The following FOXN4 variants were observed in gnomAD, a reference collection of about 807,000 sequenced individuals.
The protein encoded by FOXN4 is forkhead box N4.
A neutral mutation model predicts 45.0 loss-of-function variants in FOXN4; 12 were observed. The ratio of observed to expected loss-of-function variants is 0.27; its 90% CI spans 0.17 to 0.43. The LOEUF (loss-of-function observed/expected upper bound fraction) is 0.43, where lower values mean the gene tolerates loss of function less well. FOXN4 is among the 20% of genes least tolerant of loss of function. The pLI is 1.00. For missense variants in FOXN4, 560 were observed against 694.9 expected, an observed-to-expected ratio of 0.81 and a Z score of 2.18; for synonymous variants, 297 against 295.0, an observed-to-expected ratio of 1.01 and a Z score of -0.07.
intron 2 of FOXN4, among the ~76,000 whole-genome samples, chr12:109,306,456 T>C (rs1053077909): frequency 4.6e-5 from 7 of 152,214 alleles, no homozygotes; most frequent in African/African-American, 9.6e-5. Context: ...TAAGATTCAA[T>C]GTCTTTGAGC....
At chr12:109,297,201 AAGG>A (rs1296380583) in intron 2 of FOXN4, among the ~76,000 whole-genome samples, 6 of 152,204 alleles carry the variant, frequency 3.9e-5, no homozygotes, top group Non-Finnish European at 8.8e-5. Context: ...GGCTGCACAG[AAGG>A]AGGTGAGTAG....
At chr12:109,285,274 TGC>T (rs1555241968) in intron 8 of FOXN4, 28 bp downstream of exon 8, 68,885 of 1,520,670 alleles carry the variant, frequency 0.045, 742 homozygotes, top group African/African-American at 0.08. Context: ...TGTGTGTGTG[TGC>T]GCGCACTGCG....
At position 109,290,221 on chromosome 12, in the gene FOXN4, G is replaced by A. The variant is rs765806216; in HGVS notation, c.152C>T (p.Ala51Val). 9.7e-5 allele frequency: 151 copies of A among 1,551,322 alleles called. 1 individual carries two copies. In the Middle Eastern group the frequency reaches 2.2e-3, roughly 22 times the overall value. ...GDLQSLSWLT[A>V]VDVPRLQQMA... ...CTGCTGCAGCCGAGGCACATCCACC[G>A]CCGTGAGCCACGACAGCGACTGCAG... The change falls in exon 3 of 10, where the codon GCG becomes GTG. Residue 51 changes from alanine (A) to valine (V), a missense_variant. Coordinates refer to ENST00000299162, the MANE Select transcript of FOXN4 (RefSeq NM_213596.3). The surrounding 1 kb of genome is among the most constrained non-coding windows in gnomAD (Gnocchi z 5.1).
At chr12:109,297,803 G>A (rs1294533928) in intron 2 of FOXN4, among the ~76,000 whole-genome samples, 1 of 152,168 alleles carries the variant, frequency 6.6e-6, no homozygotes, top group Non-Finnish European at 1.5e-5. Context: ...AATCCTCGCA[G>A]TGTCTCCCCA....
In FOXN4 at chr12:109,304,271, GAA is replaced by G. The variant is rs1257147262; in HGVS notation, c.86+3963_86+3964del. Among the ~76,000 whole-genome samples the G allele has an allele frequency of 6.0e-4, 49 of 81,760 alleles. 1 individual carries two copies. Among genetic ancestry groups the G allele is most frequent in the African/African-American group, 2.0e-3 (39 of 19,504 alleles). 53.6% of individuals were successfully genotyped at this position (81,760 alleles called of 152,430 possible). Reference sequence around the variant, plus strand: ...AGAAAGAAAGAAAGAAAGAAAGAAAGAAAGAAAGAAAGAAAGAAAGAAAGGAG... The same window carrying G: ...AGAAAGAAAGAAAGAAAGAAAGAAAGAGAAAGAAAGAAAGAAAGAAAGGAG... On this transcript the variant is annotated intron_variant, in intron 2 of 9. Coordinates refer to ENST00000299162, the MANE Select transcript of FOXN4 (RefSeq NM_213596.3).
At chr12:109,285,142 A>C in intron 8 of FOXN4, 162 bp downstream of exon 8, 5 of 303,464 alleles carry the variant, frequency 1.6e-5, no homozygotes, top group Non-Finnish European at 2.2e-5. Flanking sequence ...GTGTGCGTGT[A>C]TTTGTGTGTG....
intron 2 of FOXN4, among the ~76,000 whole-genome samples, chr12:109,307,883 CA>C (rs1225670394): frequency 2.0e-5 from 3 of 151,696 alleles, no homozygotes; most frequent in Non-Finnish European, 4.4e-5. Flanking sequence ...TTTTTTTTGG[CA>C]GGGGGTGGGG....
At chr12:109,302,460 T>C (rs1186399058) in intron 2 of FOXN4, among the ~76,000 whole-genome samples, 2 of 152,254 alleles carry the variant, frequency 1.3e-5, no homozygotes, top group Non-Finnish European at 2.9e-5. Context: ...ATATCCATCT[T>C]GAGTTTAGTT....
Position 109,288,061 on chromosome 12 carries a change from C to T in FOXN4, c.352G>A (p.Asp118Asn), listed in dbSNP as rs957012985. The part of the protein sequence containing the change: ...PGLGPITGHR[D>N]SMSQFPVGGQ... The stretch of plus-strand genomic sequence containing the variant: ...GTCCATGCAGTGCCACTTACGCTGT[C>T]TCTGTGGCCAGTTATGGGGCCCAGA... Residue 118 changes from aspartate (D) to asparagine (N), a missense_variant, in exon 4 of 10, where the codon GAC (aspartate) becomes AAC (asparagine). Asp to Asn is a conservative substitution (Grantham distance 23). Around this residue, in one of 5 missense-constraint regions of FOXN4, gnomAD observed 142 missense variants for 185.7 expected, o/e 0.76. Transcript: ENST00000299162. The surrounding 1 kb of genome is among the most constrained non-coding windows in gnomAD (Gnocchi z 4.3). 1.9e-6 allele frequency: 3 copies of T among 1,550,078 alleles called. No individual in the cohort carries two copies. The highest frequency in any genetic ancestry group is 3.9e-5 in the Admixed American group (2 of 50,830).
intron 2 of FOXN4, among the ~76,000 whole-genome samples, chr12:109,304,164 C>T (rs962916945): frequency 7.1e-6 from 1 of 140,410 alleles, no homozygotes; most frequent in African/African-American, 2.7e-5. Context: ...GCACTCCAGC[C>T]TGGACGATAG....
chr12:109,297,240 C>G (rs1034808809), intron 2 of FOXN4, among the ~76,000 whole-genome samples: 1 of 152,376 alleles, frequency 6.6e-6, no homozygotes, highest in East Asian at 1.9e-4. Context: ...CACCTCCTGT[C>G]AGATCAGCAG....
chr12:109,306,192 A>G (rs1028352200), intron 2 of FOXN4, among the ~76,000 whole-genome samples: 1 of 152,122 alleles, frequency 6.6e-6, no homozygotes, highest in Non-Finnish European at 1.5e-5. Context: ...CTCTAATGTA[A>G]CTAAGTGGTA....
At chr12:109,302,158 A>G (rs1467902798) in intron 2 of FOXN4, among the ~76,000 whole-genome samples, 1 of 152,246 alleles carries the variant, frequency 6.6e-6, no homozygotes, top group Non-Finnish European at 1.5e-5. Context: ...ACACCTCATT[A>G]CAAGACCCAT....
At chr12:109,285,565 C>T (rs768074500) in intron 7 of FOXN4, 54 bp from the exon 8 acceptor site, 85 of 1,582,246 alleles carry the variant, frequency 5.4e-5, no homozygotes, top group Non-Finnish European at 7.1e-5. Context: ...TCCCCCTACC[C>T]CGGGGATCTC....
intron 7 of FOXN4, among the ~76,000 whole-genome samples, chr12:109,285,963 TCAAA>T (rs781735820): frequency 1.6e-4 from 24 of 151,338 alleles, no homozygotes; most frequent in African/African-American, 3.2e-4. Context: ...CCTCCTGGGA[TCAAA>T]CAGTCTTCCC....
In FOXN4 at chr12:109,286,667, TC is replaced by T. The variant is rs755778135; in HGVS notation, c.673del (p.Glu225SerfsTer23). 4 of 1,610,220 alleles carry T rather than the reference TC, an allele frequency of 2.5e-6. No homozygotes were observed. In the African/African-American group the frequency reaches 5.3e-5, roughly 22 times the overall value. ...ACTCACCTTGAAGTAGGGGAAGTGCTCCTTCATGAAGCTGTAGATCTCGCTC... is the reference window on the plus strand; with the variant it reads ...ACTCACCTTGAAGTAGGGGAAGTGCTCTTCATGAAGCTGTAGATCTCGCTC... ...PVSEIYSFMK[E>X]HFPYFKTAPD... On this transcript the variant is annotated frameshift_variant, in exon 7 of 10. Coordinates refer to ENST00000299162, the MANE Select transcript of FOXN4 (RefSeq NM_213596.3). LOFTEE classifies it high-confidence loss of function.
intron 6 of FOXN4, 128 bp from the exon 7 acceptor site, chr12:109,286,872 A>T: frequency 6.9e-7 from 1 of 1,444,242 alleles, no homozygotes. Context: ...CTAAACACTC[A>T]CACACAGTGA....
At chr12:109,304,235 G>GAA (rs574187227) in intron 2 of FOXN4, among the ~76,000 whole-genome samples, 1 of 44,536 alleles carries the variant, frequency 2.2e-5, no homozygotes, top group Non-Finnish European at 4.6e-5. Flanking sequence ...AAGAAAGAAA[G>GAA]AAAGAAAGAA....
intron 2 of FOXN4, among the ~76,000 whole-genome samples, chr12:109,294,766 AC>A (rs5800848): frequency 0.62 from 92,712 of 150,564 alleles, 29,742 homozygotes; most frequent in African/African-American, 0.78. Context: ...TCATCCCCCA[AC>A]CCCCTGCCCA....
Sources: gnomAD v4.1 joint callset for allele counts (sites outside exome capture counted in the v4.1 genomes callset) on GRCh38, gnomAD v4.1.1 for gene constraint, gnomAD v4.1.1 regional missense constraint, Gnocchi (gnomAD v3.1) non-coding constraint, MANE v1.5 for transcripts, NCBI Gene and HGNC (gene_info 2026-07-23, HGNC 2026-07-21) for gene names.